MYO5C: variants seen among roughly 807,000 people sequenced by gnomAD.
MYO5C encodes myosin VC, also known as unconventional myosin-Vc.
In MYO5C, 194 loss-of-function variants were observed where a neutral mutation model predicts 235.7. The observed-to-expected ratio is 0.82, with a 90% CI of 0.73 to 0.93. The LOEUF is 0.93. MYO5C is among the 40% of genes least tolerant of loss of function. MYO5C has a pLI of 0.00. For missense variants in MYO5C, 2,038 were observed against 2,127.2 expected, an observed-to-expected ratio of 0.96 and a Z score of 0.82; for synonymous variants, 707 against 754.8, an observed-to-expected ratio of 0.94 and a Z score of 1.04.
At chr15:52,194,230 G>T (rs947725531) in intron 40 of MYO5C, among the ~76,000 whole-genome samples, 176 bp from the exon 41 acceptor site, 1 of 152,182 alleles carries the variant, frequency 6.6e-6, no homozygotes, top group Non-Finnish European at 1.5e-5. Flanking sequence ...TCTATCCAGG[G>T]CTTCCAGATC....
Position 52,218,551 on chromosome 15 carries a change from G to T in MYO5C, c.3922C>A (p.Gln1308Lys), listed in dbSNP as rs201307143. ...TESEVKCNFR[Q>K]EASRLTLENR... Reference sequence around the variant, plus strand: ...TCCAAAGTGAGCCGGGATGCTTCCTGCCGGAAGTTACACTTGACTTCACTT... The same window carrying T: ...TCCAAAGTGAGCCGGGATGCTTCCTTCCGGAAGTTACACTTGACTTCACTT... Residue 1308 changes from glutamine (Q) to lysine (K), a missense_variant, in exon 32 of 41, where the codon CAG becomes AAG. Physicochemically the swap from Gln to Lys is moderately conservative, Grantham distance 53. Coordinates refer to ENST00000261839, the MANE Select transcript of MYO5C (RefSeq NM_018728.4). 2.0e-3 allele frequency: 3,172 copies of T among 1,614,190 alleles called. 9 individuals are homozygous for T. The highest frequency in any genetic ancestry group is 2.4e-3 in the Non-Finnish European group (2,877 of 1,180,024).
At chr15:52,204,326 T>A (rs984349540) in intron 38 of MYO5C, among the ~76,000 whole-genome samples, 1 of 151,810 alleles carries the variant, frequency 6.6e-6, no homozygotes, top group African/African-American at 2.4e-5. Context: ...CCGTTTCTCC[T>A]GCTTGGAACG....
At chr15:52,268,795 C>T (rs1264412314) in intron 8 of MYO5C, among the ~76,000 whole-genome samples, 2 of 152,108 alleles carry the variant, frequency 1.3e-5, no homozygotes, top group South Asian at 2.1e-4. Context: ...CCACCTGTGC[C>T]GGCATCTGAG....
intron 14 of MYO5C, among the ~76,000 whole-genome samples, chr15:52,247,901 C>T (rs1172667320): frequency 6.6e-6 from 1 of 152,190 alleles, no homozygotes; most frequent in Admixed American, 6.5e-5. Flanking sequence ...ACTGTGTCTC[C>T]ACCTGCAATC....
intron 38 of MYO5C, among the ~76,000 whole-genome samples, chr15:52,200,358 A>G (rs1450996596): frequency 1.3e-5 from 2 of 152,304 alleles, no homozygotes; most frequent in East Asian, 3.9e-4. Flanking sequence ...ACTTGAGATC[A>G]GGAGTTCGAG....
intron 24 of MYO5C, among the ~76,000 whole-genome samples, chr15:52,230,612 G>A (rs899711107): frequency 6.6e-6 from 1 of 152,086 alleles, no homozygotes; most frequent in African/African-American, 2.4e-5. Flanking sequence ...GTTTTGCCAT[G>A]TTGGCCAGAC....
chr15:52,195,151 A>C (rs2035018019), intron 40 of MYO5C, among the ~76,000 whole-genome samples: 1 of 152,206 alleles, frequency 6.6e-6, no homozygotes, highest in South Asian at 2.1e-4. Context: ...AGAATACAGC[A>C]CGGGAGACAT....
intron 35 of MYO5C, among the ~76,000 whole-genome samples, chr15:52,210,195 C>T (rs1031160988): frequency 1.3e-5 from 2 of 152,132 alleles, no homozygotes; most frequent in African/African-American, 4.8e-5. Context: ...AACTTGTGAG[C>T]TCAAGCGATC....
At chr15:52,239,651 A>G in intron 21 of MYO5C, 82 bp downstream of exon 21, 2 of 1,437,608 alleles carry the variant, frequency 1.4e-6, no homozygotes, top group Non-Finnish European at 1.9e-6. Context: ...AAATTTTAAT[A>G]GCACAGCTAA....
intron 40 of MYO5C, 101 bp from the exon 41 acceptor site, chr15:52,194,155 G>C: frequency 1.8e-6 from 2 of 1,110,770 alleles, no homozygotes; most frequent in South Asian, 1.6e-5. Context: ...CTAGTGGAGA[G>C]CTCCTTGCAC....
chr15:52,228,027 T>TAAGTG (rs2035866869), intron 25 of MYO5C, among the ~76,000 whole-genome samples: 1 of 152,244 alleles, frequency 6.6e-6, no homozygotes, highest in South Asian at 2.1e-4. Flanking sequence ...AACAATTCAC[T>TAAGTG]TAAGCCTTGA....
At chr15:52,198,458 G>A (rs2035105204) in intron 38 of MYO5C, among the ~76,000 whole-genome samples, 1 of 152,240 alleles carries the variant, frequency 6.6e-6, no homozygotes, top group African/African-American at 2.4e-5. Context: ...GATAGTGGGT[G>A]TGAGATGATA....
At chr15:52,273,601 G>A (rs908158441) in intron 5 of MYO5C, among the ~76,000 whole-genome samples, 20 of 152,090 alleles carry the variant, frequency 1.3e-4, no homozygotes, top group Non-Finnish European at 2.1e-4. Context: ...TAAGGGTACC[G>A]TGAGAAGACA....
At chr15:52,222,311 T>C (rs946537395) in intron 29 of MYO5C, among the ~76,000 whole-genome samples, 2 of 152,106 alleles carry the variant, frequency 1.3e-5, no homozygotes, top group African/African-American at 4.8e-5. Flanking sequence ...AACAAAGATG[T>C]AAAGGTCCCC....
chr15:52,277,516 T>G (rs191172918), intron 4 of MYO5C, among the ~76,000 whole-genome samples: 41 of 152,252 alleles, frequency 2.7e-4, no homozygotes, highest in Admixed American at 7.8e-4. Flanking sequence ...TAGGCCCCAG[T>G]GGCCAGGCAG....
chr15:52,222,288 C>G (rs1336917915), intron 29 of MYO5C, among the ~76,000 whole-genome samples: 6 of 152,172 alleles, frequency 3.9e-5, no homozygotes, highest in Admixed American at 3.9e-4. Flanking sequence ...ATTAAAGTTT[C>G]ATCCAAGGAA....
rs867349032 is a variant in MYO5C, at chr15:52,233,309, A to T, written c.2963-624T>A. On this transcript the variant is annotated intron_variant, in intron 23 of 40. Coordinates refer to ENST00000261839, the MANE Select transcript of MYO5C (RefSeq NM_018728.4). ...AAAAAAAAAAAAAATTAAAAAAAAAAAAAAATAAATAAATAAATAGAAACC... is the reference window on the plus strand; with the variant it reads ...AAAAAAAAAAAAAATTAAAAAAAAATAAAAATAAATAAATAAATAGAAACC... 1.4e-3 allele frequency among the ~76,000 whole-genome samples: 197 copies of T among 144,176 alleles called. 60 individuals carry two copies. In the East Asian group the frequency reaches 0.02, roughly 14 times the overall value. 94.6% of individuals were successfully genotyped at this position (144,176 alleles called of 152,430 possible).
intron 11 of MYO5C, 54 bp from the exon 12 acceptor site, chr15:52,253,511 C>CA: frequency 6.6e-7 from 1 of 1,521,268 alleles, no homozygotes; most frequent in Admixed American, 1.8e-5. Context: ...AATACGTTTC[C>CA]AAAGAGCAGG....
At chr15:52,240,290 G>T (rs1020537011) in intron 20 of MYO5C, among the ~76,000 whole-genome samples, 1 of 151,914 alleles carries the variant, frequency 6.6e-6, no homozygotes, top group Non-Finnish European at 1.5e-5. Context: ...TTGCACTAGG[G>T]CCAGGCCTAT....
Sources: allele counts gnomAD v4.1 joint callset (sites outside exome capture counted in the v4.1 genomes callset), GRCh38; gene constraint gnomAD v4.1.1; transcripts MANE v1.5; gene names NCBI Gene and HGNC (gene_info 2026-07-23, HGNC 2026-07-21).